The following TSHZ2 variants were observed in gnomAD, a reference collection of about 807,000 sequenced individuals.
The protein encoded by TSHZ2 is teashirt zinc finger homeobox 2, also known as teashirt homolog 2.
A neutral mutation model predicts 74.4 loss-of-function variants in TSHZ2; 21 were observed. The ratio of observed to expected loss-of-function variants is 0.28; its 90% confidence interval spans 0.20 to 0.41. The LOEUF is 0.41. Ranked by LOEUF, TSHZ2 falls within the 10% of genes least tolerant of loss-of-function variation. The pLI is 1.00. For missense variants in TSHZ2, 1,244 were observed against 1,293.5 expected (o/e 0.96, Z 0.59); for synonymous variants, 540 against 515.3 (o/e 1.05, Z -0.65).
At chr20:53,368,632 T>C (rs1303875551) in intron 2 of TSHZ2, among the ~76,000 whole-genome samples, 1 of 152,150 alleles carries the variant, frequency 6.6e-6, no homozygotes, top group Non-Finnish European at 1.5e-5. Flanking sequence ...TTTTATCACA[T>C]GATGTTATCC....
At chr20:53,175,202 C>G (rs1988306244) in intron 1 of TSHZ2, among the ~76,000 whole-genome samples, 1 of 134,108 alleles carries the variant, frequency 7.5e-6, no homozygotes, top group Non-Finnish European at 1.5e-5. Context: ...AGTGCAATAG[C>G]ACGATCTCGG....
chr20:53,298,633 G>A (rs565842424), intron 2 of TSHZ2, among the ~76,000 whole-genome samples: 1 of 152,340 alleles, frequency 6.6e-6, no homozygotes, highest in African/African-American at 2.4e-5. Flanking sequence ...CCAGGGTGCA[G>A]GGGATCTTGT....
intron 1 of TSHZ2, among the ~76,000 whole-genome samples, chr20:53,192,493 G>C (rs1988760273): frequency 6.6e-6 from 1 of 151,352 alleles, no homozygotes; most frequent in Non-Finnish European, 1.5e-5. Flanking sequence ...GGGCATTTGG[G>C]AGCTGGAAAA....
chr20:53,251,088 T>C lies in TSHZ2; in HGVS notation c.41-2411T>C, dbSNP rs538334665. ...GAAACCCAGAAATGCCCTTAGCCAA[T>C]TGTGATGACAGAAAGTCCTCATGGC... On this transcript the variant is annotated intron_variant, in intron 1 of 2. Transcript: ENST00000371497. 4.6e-5 allele frequency among the ~76,000 whole-genome samples: 7 copies of C among 152,296 alleles called. No individual in the cohort carries two copies. The South Asian group carries it at 8.3e-4, about 18-fold the overall frequency.
rs528928274 is a variant in TSHZ2 at position 53,362,295 on chromosome 20, C to G, written c.*8+105724C>G. 5.9e-5 allele frequency among the ~76,000 whole-genome samples: 9 copies of G among 152,076 alleles called. No homozygotes were observed. The South Asian group carries it at 1.9e-3, about 32-fold the overall frequency. On this transcript the variant is annotated intron_variant, in intron 2 of 2. Transcript: ENST00000371497. ...CGCCTCCCAGGTTCACACCATTCTCCTGCCTCAGCCTCCAGAGTAGCTGGG... is the reference window on the plus strand; with the variant it reads ...CGCCTCCCAGGTTCACACCATTCTCGTGCCTCAGCCTCCAGAGTAGCTGGG...
chr20:53,468,607 G>A (rs189711259), intron 2 of TSHZ2, among the ~76,000 whole-genome samples: 63 of 136,314 alleles, frequency 4.6e-4, no homozygotes, highest in Non-Finnish European at 8.3e-4. Context: ...GGGACTTGCC[G>A]TAAAAATTAT....
At chr20:53,438,698 C>T (rs542300842) in intron 2 of TSHZ2, among the ~76,000 whole-genome samples, 14 of 152,272 alleles carry the variant, frequency 9.2e-5, no homozygotes, top group Non-Finnish European at 1.3e-4. Context: ...CAGTGGCTCA[C>T]GCCTGTAATC....
At chr20:52,984,818 G>A (rs964058247) in intron 1 of TSHZ2, among the ~76,000 whole-genome samples, 1 of 152,170 alleles carries the variant, frequency 6.6e-6, no homozygotes, top group Non-Finnish European at 1.5e-5. Flanking sequence ...CCATGACAGT[G>A]GTCCGGGGAG....
chr20:53,321,078 A>G (rs1979239861), intron 2 of TSHZ2, among the ~76,000 whole-genome samples: 2 of 152,192 alleles, frequency 1.3e-5, no homozygotes, highest in African/African-American at 4.8e-5. Context: ...GCATTCCACA[A>G]TTTTTGTGGA....
intron 2 of TSHZ2, among the ~76,000 whole-genome samples, chr20:53,271,385 C>G (rs1990834967): frequency 6.6e-6 from 1 of 152,264 alleles, no homozygotes; most frequent in Non-Finnish European, 1.5e-5. Flanking sequence ...ACCCACTAAG[C>G]ACCTGCCTAG....
chr20:53,459,978 C>T (rs1985284993), intron 2 of TSHZ2, among the ~76,000 whole-genome samples: 1 of 152,106 alleles, frequency 6.6e-6, no homozygotes, highest in African/African-American at 2.4e-5. Flanking sequence ...TTCTCTCTGG[C>T]TGCCCTTAAC....
chr20:53,440,473 T>C (rs999429329), intron 2 of TSHZ2, among the ~76,000 whole-genome samples: 1 of 152,188 alleles, frequency 6.6e-6, no homozygotes, highest in African/African-American at 2.4e-5. Context: ...TAATTCTTTG[T>C]TCGTATCTAT....
At chr20:53,163,315 A>G (rs1164909761) in intron 1 of TSHZ2, among the ~76,000 whole-genome samples, 1 of 147,972 alleles carries the variant, frequency 6.8e-6, no homozygotes, top group African/African-American at 2.5e-5. Context: ...TTAGGTTATA[A>G]AAAGATGGTG....
At chr20:53,345,321 C>A (rs1346781849) in intron 2 of TSHZ2, among the ~76,000 whole-genome samples, 1 of 151,956 alleles carries the variant, frequency 6.6e-6, no homozygotes, top group African/African-American at 2.4e-5. Flanking sequence ...CCACCCCCAC[C>A]ATTGCCTGTT....
chr20:52,983,587 G>C (rs1289567610), intron 1 of TSHZ2, among the ~76,000 whole-genome samples: 3 of 152,194 alleles, frequency 2.0e-5, no homozygotes, highest in Non-Finnish European at 4.4e-5. Context: ...ACTTTTAGCA[G>C]ACCTCTGGAC....
intron 1 of TSHZ2, among the ~76,000 whole-genome samples, chr20:53,146,752 T>C (rs969081442): frequency 1.4e-4 from 21 of 152,162 alleles, no homozygotes; most frequent in African/African-American, 4.8e-4. Context: ...GAACAAAGAA[T>C]AGTCTGTCTT....
At chr20:53,258,650 A>G (rs1990536252) in intron 2 of TSHZ2, among the ~76,000 whole-genome samples, 1 of 152,236 alleles carries the variant, frequency 6.6e-6, no homozygotes, top group Non-Finnish European at 1.5e-5. Flanking sequence ...TCAAAGGTGA[A>G]CCAATAATTT....
intron 2 of TSHZ2, among the ~76,000 whole-genome samples, chr20:53,257,442 G>C (rs963489468): frequency 1.2e-4 from 18 of 152,218 alleles, no homozygotes; most frequent in Admixed American, 3.9e-4. Context: ...ATGTGTCATA[G>C]AAGTTCCATG....
At chr20:53,402,854 C>T (rs1982716497) in intron 2 of TSHZ2, among the ~76,000 whole-genome samples, 1 of 152,314 alleles carries the variant, frequency 6.6e-6, no homozygotes, top group Non-Finnish European at 1.5e-5. Context: ...CACTCAGCCA[C>T]ATCAAACCGA....
Sources: gnomAD v4.1 joint callset for allele counts (sites outside exome capture counted in the v4.1 genomes callset) on GRCh38, gnomAD v4.1.1 for gene constraint, MANE v1.5 for transcripts, NCBI Gene and HGNC (gene_info 2026-07-23, HGNC 2026-07-21) for gene names.